The following SLC6A17 variants were observed in gnomAD, a reference collection of about 807,000 sequenced individuals.
The protein encoded by SLC6A17 is solute carrier family 6 member 17.
In SLC6A17, 21 loss-of-function variants were observed where a neutral mutation model predicts 64.5. That is an observed-to-expected ratio of 0.33 (90% CI 0.23 to 0.47). SLC6A17 has a LOEUF of 0.47. Among genes scored for constraint, SLC6A17 ranks in the 20% least tolerant of loss-of-function variants. The probability of loss-of-function intolerance (pLI) is 1.00; values close to 1 mark genes in which losing one functional copy is unlikely to be tolerated. For missense variants in SLC6A17, 682 were observed against 963.2 expected (o/e 0.71, Z 3.86); for synonymous variants, 372 against 399.5 (o/e 0.93, Z 0.82).
intron 1 of SLC6A17, among the ~76,000 whole-genome samples, chr1:110,160,229 G>C (rs373191148): frequency 6.6e-6 from 1 of 152,244 alleles, no homozygotes; most frequent in African/African-American, 2.4e-5. Context: ...GGCTGCACTG[G>C]ATTAGAGTCC....
chr1:110,174,121 G>A, intron 4 of SLC6A17, 22 bp downstream of exon 4: 1 of 1,612,970 alleles, frequency 6.2e-7, no homozygotes, highest in African/African-American at 1.3e-5. Context: ...GCCCAGCTGG[G>A]GATGCCAGCC....
Position 110,199,945 on chromosome 1 carries a change from A to G in SLC6A17, c.*1501A>G, listed in dbSNP as rs1359773858. 1.1e-5 allele frequency: 3 copies of G among 272,376 alleles called. No homozygotes were observed. Among genetic ancestry groups the G allele is most frequent in the African/African-American group, 5.1e-5 (2 of 39,052 alleles). The allele number at this position is 272,376 out of a possible 1,614,324, so 16.9% of individuals were successfully genotyped here. A position where few individuals can be genotyped will look rare whatever the true frequency, so the allele number is the denominator to read the frequency against. Reference sequence around the variant, plus strand: ...TGGATGGGTTGGGGGGTGGGGGTGGATGGATAGATGGATGGATGGATGGAC... The same window carrying G: ...TGGATGGGTTGGGGGGTGGGGGTGGGTGGATAGATGGATGGATGGATGGAC... On this transcript the variant is annotated 3_prime_UTR_variant, in exon 12 of 12. Transcript: ENST00000331565.
At chr1:110,172,283 A>C in intron 3 of SLC6A17, 66 bp downstream of exon 3, 2 of 1,506,408 alleles carry the variant, frequency 1.3e-6, no homozygotes, top group Non-Finnish European at 1.8e-6. Flanking sequence ...ATTGGAGACG[A>C]GGTCACCGAG....
chr1:110,171,595 T>C (rs1321862902), intron 2 of SLC6A17, among the ~76,000 whole-genome samples: 1 of 151,932 alleles, frequency 6.6e-6, no homozygotes, highest in Non-Finnish European at 1.5e-5. Context: ...AGCGTCTGGT[T>C]CAGACGCTGG....
chr1:110,185,015 G>A (rs922483459), intron 6 of SLC6A17, among the ~76,000 whole-genome samples: 1 of 152,132 alleles, frequency 6.6e-6, no homozygotes. Context: ...TGGAGGTTAG[G>A]GGTGGAGCTT....
At chr1:110,154,304 T>C (rs1655694447) in intron 1 of SLC6A17, among the ~76,000 whole-genome samples, 1 of 152,244 alleles carries the variant, frequency 6.6e-6, no homozygotes, top group Non-Finnish European at 1.5e-5. Flanking sequence ...AACTAGAGAA[T>C]TGGAACTCTA....
At chr1:110,167,730 G>A (rs752707156) in intron 2 of SLC6A17, among the ~76,000 whole-genome samples, 2 of 152,144 alleles carry the variant, frequency 1.3e-5, no homozygotes, top group African/African-American at 4.8e-5. Context: ...GAACAACAAA[G>A]CACCAATTTT....
At chr1:110,188,968 C>T (rs538947843) in intron 6 of SLC6A17, among the ~76,000 whole-genome samples, 28 of 152,326 alleles carry the variant, frequency 1.8e-4, no homozygotes, top group Non-Finnish European at 3.7e-4. Flanking sequence ...AGCACTGACC[C>T]TTCCTCCTCC....
chr1:110,154,070 C>T (rs994802389), intron 1 of SLC6A17, among the ~76,000 whole-genome samples: 3 of 152,210 alleles, frequency 2.0e-5, no homozygotes, highest in Admixed American at 6.5e-5. Context: ...GGGGTGAGTG[C>T]TGTTCTGGAT....
At chr1:110,160,656 C>T (rs1349824942) in intron 1 of SLC6A17, among the ~76,000 whole-genome samples, 2 of 152,200 alleles carry the variant, frequency 1.3e-5, no homozygotes, top group East Asian at 3.8e-4. Context: ...TGCTCACTCA[C>T]AGACTCGCAG....
chr1:110,154,295 A>C (rs1655694366), intron 1 of SLC6A17, among the ~76,000 whole-genome samples: 1 of 152,228 alleles, frequency 6.6e-6, no homozygotes, highest in South Asian at 2.1e-4. Flanking sequence ...GTGAGTGGCA[A>C]CTAGAGAATT....
At chr1:110,160,107 G>A (rs559782306) in intron 1 of SLC6A17, among the ~76,000 whole-genome samples, 2 of 152,314 alleles carry the variant, frequency 1.3e-5, no homozygotes, top group African/African-American at 4.8e-5. Context: ...CCATCCATGT[G>A]GTAACCAGAT....
intron 6 of SLC6A17, among the ~76,000 whole-genome samples, chr1:110,187,930 C>A (rs1656726682): frequency 6.6e-6 from 1 of 152,236 alleles, no homozygotes; most frequent in South Asian, 2.1e-4. Flanking sequence ...GTACAGGCCC[C>A]CATTTCCTTA....
chr1:110,186,611 C>T lies in SLC6A17; in HGVS notation c.865-5361C>T, dbSNP rs534603443. Among the ~76,000 whole-genome samples the T allele has an allele frequency of 5.3e-5, 8 of 152,312 alleles. No homozygotes were observed. The South Asian group carries it at 1.7e-3, about 32-fold the overall frequency. The stretch of plus-strand genomic sequence containing the variant: ...CTGGTACAACTTTGTAGCCCCTTGT[C>T]TGGTCCCTCCTGCTCAGCTCACAAC... On this transcript the variant is annotated intron_variant, in intron 6 of 11. Coordinates refer to ENST00000331565, the MANE Select transcript of SLC6A17 (RefSeq NM_001010898.4).
At chr1:110,153,113 C>T (rs1655651490) in intron 1 of SLC6A17, among the ~76,000 whole-genome samples, 1 of 152,152 alleles carries the variant, frequency 6.6e-6, no homozygotes. Flanking sequence ...CCACCTGCAA[C>T]AGCTCTGGGG....
chr1:110,154,526 G>T, intron 1 of SLC6A17, among the ~76,000 whole-genome samples: 1 of 152,148 alleles, frequency 6.6e-6, no homozygotes, highest in East Asian at 1.9e-4. Context: ...CAAGGTTTGG[G>T]GAACATGGTA....
chr1:110,174,149 G>C lies in SLC6A17; in HGVS notation c.571+50G>C, dbSNP rs779787194. On this transcript the variant is annotated intron_variant, in intron 4 of 11. Transcript: ENST00000331565. ...TGCCAGCCAGCCCTGTCCCAGGAAG[G>C]GGTCTCACAAGCTTAGCGCACACAT... is the stretch of plus-strand genomic sequence containing the variant. 1.0e-5 allele frequency: 16 copies of C among 1,602,944 alleles called. No individual in the cohort carries two copies. The South Asian group carries it at 1.7e-4, about 17-fold the overall frequency.
chr1:110,178,401 C>G (rs748159470), intron 6 of SLC6A17, among the ~76,000 whole-genome samples: 2 of 152,168 alleles, frequency 1.3e-5, no homozygotes, highest in Non-Finnish European at 2.9e-5. Context: ...CACACTTTAT[C>G]TCTTTAATTA....
intron 2 of SLC6A17, among the ~76,000 whole-genome samples, chr1:110,170,675 G>A (rs986550253): frequency 3.9e-5 from 6 of 152,208 alleles, no homozygotes; most frequent in African/African-American, 1.4e-4. Context: ...TGATGGGGCT[G>A]CTTGTTAGTG....
Sources: allele counts gnomAD v4.1 joint callset (sites outside exome capture counted in the v4.1 genomes callset), GRCh38; gene constraint gnomAD v4.1.1; transcripts MANE v1.5; gene names NCBI Gene and HGNC (gene_info 2026-07-23, HGNC 2026-07-21).